Variants in TUSC3 observed in about 807,000 individuals in gnomAD.
The protein encoded by TUSC3 is tumor suppressor candidate 3.
Under a neutral mutation model 44.8 loss-of-function variants are expected in TUSC3, and 45 were observed. The ratio of observed to expected loss-of-function variants is 1.00; its 90% CI spans 0.79 to 1.29. The LOEUF is 1.29. Among genes scored for constraint, TUSC3 ranks in the 50% most tolerant of loss-of-function variants. The pLI is 0.00. For missense variants in TUSC3, 519 were observed against 437.9 expected (o/e 1.19, Z -1.65); for synonymous variants, 212 against 152.9 (o/e 1.39, Z -2.85).
At chr8:15,491,859 G>C (rs528810547) in intron 2 of TUSC3, among the ~76,000 whole-genome samples, 1 of 152,180 alleles carries the variant, frequency 6.6e-6, no homozygotes, top group African/African-American at 2.4e-5. Flanking sequence ...CCATATGTTA[G>C]ACTCTCTCCT....
At chr8:15,525,104 A>G (rs988359668) in intron 2 of TUSC3, among the ~76,000 whole-genome samples, 2 of 152,248 alleles carry the variant, frequency 1.3e-5, no homozygotes, top group East Asian at 3.9e-4. Context: ...GTAAAGGTAC[A>G]AGGAGACCAT....
chr8:15,830,751 C>A, the TUSC3 span, among the ~76,000 whole-genome samples: 2 of 151,948 alleles, frequency 1.3e-5, no homozygotes, highest in African/African-American at 4.8e-5. Flanking sequence ...ACAAGGGGGA[C>A]TCCAAAGGGA....
chr8:15,768,442 C>T (rs1267235280), downstream of TUSC3, among the ~76,000 whole-genome samples: 4 of 152,038 alleles, frequency 2.6e-5, no homozygotes, highest in African/African-American at 9.7e-5. Context: ...TCATCTTATT[C>T]ACAAGAAAGA....
intron 1 of TUSC3, among the ~76,000 whole-genome samples, chr8:15,548,791 T>C (rs1801958500): frequency 6.6e-6 from 1 of 151,870 alleles, no homozygotes; most frequent in Admixed American, 6.6e-5. Context: ...AGAATTCTCC[T>C]TCTACCCTAT....
intron 5 of TUSC3, among the ~76,000 whole-genome samples, chr8:15,668,911 G>A (rs746995051): frequency 6.6e-6 from 1 of 151,692 alleles, no homozygotes; most frequent in African/African-American, 2.4e-5. Flanking sequence ...CACAAGTCTC[G>A]AGTCTCGGGA....
At chr8:15,446,587 C>G (rs556172357) in intron 1 of TUSC3, among the ~76,000 whole-genome samples, 180 of 151,926 alleles carry the variant, frequency 1.2e-3, no homozygotes, top group African/African-American at 4.2e-3. Flanking sequence ...ACGAGTCAGG[C>G]GTGGCGGCGG....
chr8:15,537,371 A>G (rs906810581), upstream of TUSC3, among the ~76,000 whole-genome samples: 1 of 152,158 alleles, frequency 6.6e-6, no homozygotes, highest in African/African-American at 2.4e-5. Flanking sequence ...TCTTAAATGT[A>G]TTTGATTGAT....
chr8:15,757,969 A>G, intron 10 of TUSC3, 114 bp downstream of exon 10: 1 of 1,501,604 alleles, frequency 6.7e-7, no homozygotes, highest in East Asian at 2.4e-5. Flanking sequence ...CAAATGTAAG[A>G]TAACTTTTAA....
At chr8:15,647,942 C>T (rs1021418805) in intron 2 of TUSC3, among the ~76,000 whole-genome samples, 9 of 151,994 alleles carry the variant, frequency 5.9e-5, no homozygotes, top group African/African-American at 2.2e-4. Flanking sequence ...TCTTTTTATC[C>T]ATAGTGTTTT....
At chr8:15,726,521 T>C (rs2721214) in intron 6 of TUSC3, among the ~76,000 whole-genome samples, 84,523 of 152,076 alleles carry the variant, frequency 0.56, 23,752 homozygotes, top group Admixed American at 0.61. Context: ...AAATATTCAA[T>C]GGGGCCAGGT....
At chr8:15,453,221 C>G (rs1042558696) in intron 1 of TUSC3, among the ~76,000 whole-genome samples, 20 of 150,116 alleles carry the variant, frequency 1.3e-4, no homozygotes, top group Non-Finnish European at 2.8e-4. Flanking sequence ...TATGACTTCA[C>G]ATTAGCGTGG....
chr8:15,454,112 G>A (rs1476137655), intron 1 of TUSC3, among the ~76,000 whole-genome samples: 1 of 152,172 alleles, frequency 6.6e-6, no homozygotes, highest in Non-Finnish European at 1.5e-5. Context: ...CACTGCACAT[G>A]TGGACAGCCC....
the TUSC3 span, among the ~76,000 whole-genome samples, chr8:15,796,376 G>T: frequency 6.6e-6 from 1 of 152,166 alleles, no homozygotes; most frequent in Admixed American, 6.5e-5. Flanking sequence ...CTGTCAGTCT[G>T]TGGTTTTCCA....
intron 2 of TUSC3, among the ~76,000 whole-genome samples, chr8:15,484,966 C>T (rs1172286554): frequency 6.6e-6 from 1 of 152,136 alleles, no homozygotes; most frequent in Non-Finnish European, 1.5e-5. Flanking sequence ...TTATTTTCTT[C>T]TCACAGTATG....
chr8:15,617,220 A>T (rs771927748), intron 1 of TUSC3, among the ~76,000 whole-genome samples: 1 of 148,556 alleles, frequency 6.7e-6, no homozygotes, highest in Non-Finnish European at 1.5e-5. Context: ...GCTCACTGCA[A>T]GCTCCGCCTC....
intron 1 of TUSC3, among the ~76,000 whole-genome samples, chr8:15,565,776 G>T (rs1802645426): frequency 6.6e-6 from 1 of 152,078 alleles, no homozygotes; most frequent in African/African-American, 2.4e-5. Flanking sequence ...AGAATGTAAA[G>T]AGGGACCTGG....
At chr8:15,609,283 A>C (rs1469704780) in intron 1 of TUSC3, among the ~76,000 whole-genome samples, 1 of 152,142 alleles carries the variant, frequency 6.6e-6, no homozygotes, top group Non-Finnish European at 1.5e-5. Context: ...ATGACTTCTA[A>C]AGCAGTGCAA....
intron 1 of TUSC3, among the ~76,000 whole-genome samples, chr8:15,605,994 A>G (rs1268546966): frequency 6.6e-6 from 1 of 151,968 alleles, no homozygotes; most frequent in Non-Finnish European, 1.5e-5. Context: ...ATTGCAGTAA[A>G]CAGTGATCAC....
intron 2 of TUSC3, among the ~76,000 whole-genome samples, chr8:15,641,136 A>C (rs1975059): frequency 6.6e-6 from 1 of 152,088 alleles, no homozygotes; most frequent in Admixed American, 6.5e-5. Context: ...CGAGGTGGGC[A>C]GATCATTAGG....
Sources: allele counts gnomAD v4.1 joint callset (sites outside exome capture counted in the v4.1 genomes callset), GRCh38; gene constraint gnomAD v4.1.1; transcripts MANE v1.5; gene names NCBI Gene and HGNC (gene_info 2026-07-23, HGNC 2026-07-21).